BCL11A: variants seen among roughly 807,000 people sequenced by gnomAD.
BCL11A encodes B cell CLL/lymphoma 11A.
In BCL11A, 2 loss-of-function variants were observed where a neutral mutation model predicts 55.9. That is an observed-to-expected ratio of 0.04 (90% CI 0.01 to 0.11). The LOEUF is 0.11. BCL11A is among the 10% of genes least tolerant of loss of function. The pLI is 1.00. For missense variants in BCL11A, 817 were observed against 1,137.1 expected, an observed-to-expected ratio of 0.72 and a Z score of 4.05; for synonymous variants, 465 against 473.4, an observed-to-expected ratio of 0.98 and a Z score of 0.23.
intron 2 of BCL11A, among the ~76,000 whole-genome samples, chr2:60,498,857 A>T (rs957596739): frequency 2.7e-5 from 4 of 146,694 alleles, no homozygotes; most frequent in African/African-American, 1.0e-4. Context: ...TTATACATAC[A>T]TTTGAATTAC....
intron 3 of BCL11A, among the ~76,000 whole-genome samples, chr2:60,462,842 G>A (rs9967681): frequency 1.6e-3 from 238 of 152,308 alleles, no homozygotes; most frequent in African/African-American, 5.5e-3. Context: ...GTGACCCAAG[G>A]AAACTTTTTG....
downstream of BCL11A, among the ~76,000 whole-genome samples, chr2:60,456,802 T>C (rs1297214827): frequency 2.0e-5 from 3 of 152,062 alleles, no homozygotes; most frequent in African/African-American, 7.2e-5. Flanking sequence ...AAAGCAAGGA[T>C]GGGAGAATAG....
rs979137499 is a variant in BCL11A, at chr2:60,458,597, CA to C, written c.*1806del. ...GCTCAATAGTCAAGTAAATGGCTGG[CA>C]AAGTTTTTTTTTTTTTAGTTTTTAA... On this transcript the variant is annotated 3_prime_UTR_variant, in exon 4 of 4. Coordinates refer to ENST00000642384, the MANE Select transcript of BCL11A (RefSeq NM_022893.4). 1.6e-5 allele frequency: 17 copies of C among 1,033,752 alleles called. 3 individuals carry two copies. The Admixed American group carries it at 4.0e-4, about 24-fold the overall frequency. The allele number at this position is 1,033,752 out of a possible 1,614,324, so 64.0% of individuals were successfully genotyped here.
chr2:60,540,481 T>TC (rs1558508582), intron 2 of BCL11A, among the ~76,000 whole-genome samples: 1 of 152,064 alleles, frequency 6.6e-6, no homozygotes, highest in Non-Finnish European at 1.5e-5. Context: ...ATTTAATATT[T>TC]CCCCCCAAAG....
chr2:60,468,088 TGTG>T (rs1311778852), intron 3 of BCL11A, among the ~76,000 whole-genome samples: 6 of 12,770 alleles, frequency 4.7e-4, no homozygotes, highest in East Asian at 2.7e-3. Context: ...TGGTGGTGGT[TGTG>T]GTGGTGGTGG....
At position 60,458,535 on chromosome 2, in the gene BCL11A, A is replaced by T. The variant is rs1288441345; in HGVS notation, c.*1869T>A. ...TCTATGTTAAGTGTATTCTGTTTCC[A>T]TTCACAGCGCTTGCAATGTTGCGTC... On this transcript the variant is annotated 3_prime_UTR_variant, in exon 4 of 4. Coordinates refer to ENST00000642384, the MANE Select transcript of BCL11A (RefSeq NM_022893.4). 1 of 1,036,844 alleles carries T rather than the reference A, an allele frequency of 9.6e-7. No homozygotes were observed. Among genetic ancestry groups the T allele is most frequent in the African/African-American group, 1.7e-5 (1 of 59,482 alleles). The allele number at this position is 1,036,844 out of a possible 1,614,324, so 64.2% of individuals were successfully genotyped here. A position where few individuals can be genotyped will look rare whatever the true frequency, so the allele number is the denominator to read the frequency against.
intron 2 of BCL11A, among the ~76,000 whole-genome samples, chr2:60,530,332 T>TA (rs10699821): frequency 0.37 from 48,673 of 129,864 alleles, 9,841 homozygotes; most frequent in East Asian, 0.77. Flanking sequence ...TTCAGCCATT[T>TA]AAAAAAAAAA....
intron 2 of BCL11A, chr2:60,541,814 C>T: frequency 1.6e-6 from 1 of 610,440 alleles, no homozygotes; most frequent in South Asian, 2.0e-5. Flanking sequence ...TTCAGAATCA[C>T]ATAAATAAAG....
Position 60,457,354 on chromosome 2 carries a change from T to G in BCL11A, c.*3050A>C. ...TAAAAAGCCAGGTTGTAATGACCTT[T>G]GGTCATCTAAATAAAAAAAAAAATA... On this transcript the variant is annotated 3_prime_UTR_variant, in exon 4 of 4. Transcript: ENST00000642384. 9.8e-7 allele frequency: 1 copy of G among 1,022,084 alleles called. No individual in the cohort carries two copies. The highest frequency in any genetic ancestry group is 1.2e-6 in the Non-Finnish European group (1 of 850,020). 63.3% of individuals were successfully genotyped at this position (1,022,084 alleles called of 1,614,324 possible).
At chr2:60,476,966 C>T (rs758195537) in intron 2 of BCL11A, among the ~76,000 whole-genome samples, 4 of 152,090 alleles carry the variant, frequency 2.6e-5, no homozygotes, top group South Asian at 2.1e-4. Flanking sequence ...TTAGAAGGGA[C>T]GATAAAAGAC....
chr2:60,547,883 T>C (rs1482331278), intron 1 of BCL11A, among the ~76,000 whole-genome samples: 1 of 152,212 alleles, frequency 6.6e-6, no homozygotes. Flanking sequence ...TCATAATTTC[T>C]AGCCTCTGGT....
At chr2:60,475,917 G>A (rs987191844) in intron 2 of BCL11A, among the ~76,000 whole-genome samples, 1 of 152,194 alleles carries the variant, frequency 6.6e-6, no homozygotes, top group Non-Finnish European at 1.5e-5. Context: ...CCTAAGTTCT[G>A]CAACCCCAAC....
At chr2:60,521,566 T>C (rs929659874) in intron 2 of BCL11A, among the ~76,000 whole-genome samples, 3 of 152,226 alleles carry the variant, frequency 2.0e-5, no homozygotes, top group African/African-American at 7.2e-5. Context: ...TTTCCAGCTC[T>C]GCAATTGCCA....
At chr2:60,468,663 A>T in intron 3 of BCL11A, 69 bp downstream of exon 3, 2 of 1,180,646 alleles carry the variant, frequency 1.7e-6, no homozygotes, top group Non-Finnish European at 2.5e-6. Flanking sequence ...TTAAAAAGTA[A>T]GGGCAATTTC....
intron 2 of BCL11A, among the ~76,000 whole-genome samples, chr2:60,480,207 C>T (rs992164344): frequency 6.6e-6 from 1 of 152,182 alleles, no homozygotes; most frequent in African/African-American, 2.4e-5. Context: ...CTAGGTAACA[C>T]AAAGGCCTGT....
rs1324772694 is a variant in BCL11A at position 60,468,820 on chromosome 2, G to A, written c.399C>T (p.His133=). The part of the protein sequence containing the change: ...KQEHIADKLL[H]WRGLSSPRSA... ...AACGAGGGGAGGAGAGGCCCCTCCAGTGCAGAAGTTTATCTGTGAAAGAAA... is the reference window on the plus strand; with the variant it reads ...AACGAGGGGAGGAGAGGCCCCTCCAATGCAGAAGTTTATCTGTGAAAGAAA... Residue 133 remains histidine (H), a synonymous_variant, in exon 3 of 4, where the codon CAC becomes CAT. Transcript: ENST00000642384. The A allele has an allele frequency of 3.7e-6, 6 of 1,606,576 alleles. No individual in the cohort carries two copies. The highest frequency in any genetic ancestry group is 2.2e-5 in the South Asian group (2 of 89,334).
chr2:60,478,587 C>T (rs1677766765), intron 2 of BCL11A, among the ~76,000 whole-genome samples: 1 of 152,238 alleles, frequency 6.6e-6, no homozygotes, highest in Non-Finnish European at 1.5e-5. Flanking sequence ...AGAATTAAAA[C>T]CTATTATGTC....
At chr2:60,474,716 A>G (rs1288440213) in intron 2 of BCL11A, among the ~76,000 whole-genome samples, 4 of 152,212 alleles carry the variant, frequency 2.6e-5, no homozygotes, top group Non-Finnish European at 5.9e-5. Context: ...AATTCCATTC[A>G]TTCATTCTCT....
At chr2:60,453,498 G>A (rs890923084), downstream of BCL11A, among the ~76,000 whole-genome samples, 99 of 152,178 alleles carry the variant, frequency 6.5e-4, 1 homozygote, top group Non-Finnish European at 1.3e-4. Flanking sequence ...GGAGGCCCGG[G>A]GTCTGGATCT....
Sources: allele counts gnomAD v4.1 joint callset (sites outside exome capture counted in the v4.1 genomes callset), GRCh38; gene constraint gnomAD v4.1.1; transcripts MANE v1.5; gene names NCBI Gene and HGNC (gene_info 2026-07-23, HGNC 2026-07-21).